The following CELF2 variants were observed in gnomAD, a reference collection of about 807,000 sequenced individuals.
CELF2 encodes the protein CUGBP Elav-like family member 2.
CELF2 carries 8 observed loss-of-function variants against 62.6 expected under a neutral mutation model. The ratio of observed to expected loss-of-function variants is 0.13; its 90% CI spans 0.07 to 0.23. CELF2 has a LOEUF of 0.23. Among genes scored for constraint, CELF2 ranks in the 10% least tolerant of loss-of-function variants. CELF2 has a pLI of 1.00. For synonymous variants in CELF2, 258 were observed against 250.0 expected (o/e 1.03, Z -0.30); for missense variants, 333 against 671.0 (o/e 0.50, Z 5.56).
At chr10:11,272,738 C>A (rs981632740) in intron 7 of CELF2, among the ~76,000 whole-genome samples, 5 of 152,230 alleles carry the variant, frequency 3.3e-5, no homozygotes, top group Non-Finnish European at 1.5e-5. Context: ...AAAGCCCTTT[C>A]TCTGAAAGAG....
At chr10:11,326,290 A>G (rs543618370) in intron 12 of CELF2, among the ~76,000 whole-genome samples, 1 of 152,378 alleles carries the variant, frequency 6.6e-6, no homozygotes, top group East Asian at 1.9e-4. Flanking sequence ...GTTGTGGGCA[A>G]CACCATATTG....
intron 1 of CELF2, among the ~76,000 whole-genome samples, chr10:10,825,004 G>T (rs932458827): frequency 6.6e-6 from 1 of 151,980 alleles, no homozygotes; most frequent in African/African-American, 2.4e-5. Context: ...GTTTTAATAA[G>T]CGTTTGTAAT....
intron 1 of CELF2, among the ~76,000 whole-genome samples, chr10:10,894,453 A>C (rs138840527): frequency 6.6e-6 from 1 of 152,306 alleles, no homozygotes; most frequent in Non-Finnish European, 1.5e-5. Context: ...TTTGTCTGGC[A>C]TTGTTCTGAA....
intron 1 of CELF2, among the ~76,000 whole-genome samples, chr10:11,139,606 A>G (rs1409021355): frequency 1.3e-5 from 2 of 152,234 alleles, no homozygotes; most frequent in African/African-American, 4.8e-5. Flanking sequence ...GTAACCTACA[A>G]GGAAGGTATC....
At chr10:10,643,515 A>G in the CELF2 span, among the ~76,000 whole-genome samples, 1 of 152,176 alleles carries the variant, frequency 6.6e-6, no homozygotes, top group Non-Finnish European at 1.5e-5. Flanking sequence ...TCTTTCCTTT[A>G]TAAATTACCC....
chr10:11,222,319 A>G (rs1033349374), intron 3 of CELF2, among the ~76,000 whole-genome samples: 1 of 152,148 alleles, frequency 6.6e-6, no homozygotes, highest in African/African-American at 2.4e-5. Context: ...TATCATTGTC[A>G]TCATCATTAT....
At chr10:10,818,347 T>C (rs948934991) in intron 1 of CELF2, among the ~76,000 whole-genome samples, 1 of 152,154 alleles carries the variant, frequency 6.6e-6, no homozygotes, top group African/African-American at 2.4e-5. Context: ...TCCAGCTGTC[T>C]AGCCACTGAA....
the CELF2 span, among the ~76,000 whole-genome samples, chr10:10,751,904 C>T: frequency 1.3e-4 from 20 of 152,234 alleles, no homozygotes; most frequent in African/African-American, 4.3e-4. Context: ...GCATAGCTCT[C>T]GTGACCTGGC....
At chr10:10,619,665 G>A in the CELF2 span, among the ~76,000 whole-genome samples, 3 of 152,196 alleles carry the variant, frequency 2.0e-5, no homozygotes, top group Non-Finnish European at 4.4e-5. Flanking sequence ...ACAGGGCTGT[G>A]CGCTGATGGG....
the CELF2 span, among the ~76,000 whole-genome samples, chr10:10,726,880 G>A: frequency 1.3e-5 from 2 of 152,144 alleles, no homozygotes; most frequent in Admixed American, 6.5e-5. Flanking sequence ...ATTGGCTCAC[G>A]GTTCTGCAGG....
chr10:10,978,647 G>A (rs530045941), intron 2 of CELF2, among the ~76,000 whole-genome samples: 2 of 152,166 alleles, frequency 1.3e-5, no homozygotes, highest in Admixed American at 6.5e-5. Flanking sequence ...TTATTATAGG[G>A]GACACTGAAG....
At chr10:10,724,575 G>A in the CELF2 span, among the ~76,000 whole-genome samples, 1 of 146,820 alleles carries the variant, frequency 6.8e-6, no homozygotes, top group Admixed American at 7.2e-5. Context: ...AGAACCGCTT[G>A]AAGCCAGGAG....
chr10:10,794,118 C>T (rs184712642), upstream of CELF2, among the ~76,000 whole-genome samples: 12 of 152,252 alleles, frequency 7.9e-5, no homozygotes, highest in South Asian at 4.2e-4. Context: ...ATTGTTGCCA[C>T]GCCGTGGTTT....
At chr10:10,658,554 A>G in the CELF2 span, among the ~76,000 whole-genome samples, 2 of 152,206 alleles carry the variant, frequency 1.3e-5, no homozygotes, top group Non-Finnish European at 1.5e-5. Flanking sequence ...CTTCTAGGAA[A>G]CCAAAATCTT....
At chr10:10,645,600 G>A in the CELF2 span, among the ~76,000 whole-genome samples, 4 of 152,188 alleles carry the variant, frequency 2.6e-5, no homozygotes, top group Admixed American at 6.5e-5. Context: ...GCTGCAGGGA[G>A]CCATCATTGC....
the CELF2 span, among the ~76,000 whole-genome samples, chr10:10,516,381 T>C: frequency 6.6e-6 from 1 of 152,152 alleles, no homozygotes; most frequent in Admixed American, 6.5e-5. Context: ...CCAATATACT[T>C]TTACTATATA....
At chr10:10,828,086 G>C (rs1430406361) in intron 1 of CELF2, among the ~76,000 whole-genome samples, 2 of 146,440 alleles carry the variant, frequency 1.4e-5, no homozygotes, top group Non-Finnish European at 3.0e-5. Context: ...AGTTGCTACA[G>C]AAAACAGTAT....
chr10:10,504,425 G>A, the CELF2 span, among the ~76,000 whole-genome samples: 1 of 152,012 alleles, frequency 6.6e-6, no homozygotes, highest in Non-Finnish European at 1.5e-5. Flanking sequence ...ATGAGAAATC[G>A]ATAGTCATTC....
chr10:10,909,313 G>A (rs549274922), intron 1 of CELF2, among the ~76,000 whole-genome samples: 2 of 152,314 alleles, frequency 1.3e-5, no homozygotes, highest in African/African-American at 4.8e-5. Flanking sequence ...GAAATGGTTT[G>A]TGTCCCTCAG....
Sources: gnomAD v4.1 joint callset for allele counts (sites outside exome capture counted in the v4.1 genomes callset) on GRCh38, gnomAD v4.1.1 for gene constraint, MANE v1.5 for transcripts, NCBI Gene and HGNC (gene_info 2026-07-23, HGNC 2026-07-21) for gene names.